Variants in FKBP1B observed in about 807,000 individuals in gnomAD.
FKBP1B encodes the protein peptidyl-prolyl cis-trans isomerase FKBP1B.
FKBP1B carries 4 observed loss-of-function variants against 13.5 expected under a neutral mutation model. The ratio of observed to expected loss-of-function variants is 0.30; its 90% CI spans 0.15 to 0.68. The LOEUF is 0.68. Among genes scored for constraint, FKBP1B ranks in the 30% least tolerant of loss-of-function variants. The probability of loss-of-function intolerance (pLI) is 0.76; values close to 1 mark genes in which losing one functional copy is unlikely to be tolerated. For missense variants in FKBP1B, 93 were observed against 136.2 expected (o/e 0.68, Z 1.58); for synonymous variants, 54 against 53.6 (o/e 1.01, Z -0.03).
intron 3 of FKBP1B, among the ~76,000 whole-genome samples, chr2:24,061,956 G>A (rs1055133905): frequency 6.6e-6 from 1 of 151,726 alleles, no homozygotes; most frequent in African/African-American, 2.4e-5. Context: ...TGCAAGCTCC[G>A]CGTCCTGGGT....
At chr2:24,047,686 C>A (rs2150957315), upstream of FKBP1B, among the ~76,000 whole-genome samples, 1 of 152,326 alleles carries the variant, frequency 6.6e-6, no homozygotes, top group African/African-American at 2.4e-5. Flanking sequence ...GTTCTCTTGT[C>A]TAAGGAGTCC....
intron 2 of FKBP1B, among the ~76,000 whole-genome samples, chr2:24,058,662 A>G (rs1664245214): frequency 6.6e-6 from 1 of 152,240 alleles, no homozygotes. Context: ...ACAAGTATGT[A>G]TCTGTGTGAA....
chr2:24,049,243 C>T (rs188186160), upstream of FKBP1B, among the ~76,000 whole-genome samples: 184 of 152,264 alleles, frequency 1.2e-3, no homozygotes, highest in African/African-American at 4.3e-3. Context: ...GCTCGCGCCT[C>T]TAGTCCCAGC....
chr2:24,044,817 T>TAAAAA (rs747340836), upstream of FKBP1B, among the ~76,000 whole-genome samples: 6 of 103,900 alleles, frequency 5.8e-5, no homozygotes, highest in East Asian at 5.3e-4. Flanking sequence ...GAATTATCTT[T>TAAAAA]AAAAAAAAAA....
the FKBP1B span, among the ~76,000 whole-genome samples, chr2:24,043,845 T>A: frequency 6.6e-6 from 1 of 152,076 alleles, no homozygotes; most frequent in Non-Finnish European, 1.5e-5. Context: ...TTATTTCGCA[T>A]ATCTCCTTGC....
At chr2:24,053,556 T>C (rs1402920929) in intron 1 of FKBP1B, among the ~76,000 whole-genome samples, 1 of 151,982 alleles carries the variant, frequency 6.6e-6, no homozygotes, top group Non-Finnish European at 1.5e-5. Context: ...TTGCTCTGCA[T>C]GTCTGAAGTC....
At position 24,057,161 on chromosome 2, in the gene FKBP1B, T is replaced by G. The variant is rs1053975551; in HGVS notation, c.85+3212T>G. Among the ~76,000 whole-genome samples the G allele has an allele frequency of 9.2e-5, 14 of 151,976 alleles. 1 individual carries two copies. Among genetic ancestry groups the G allele is most frequent in the Non-Finnish European group, 2.1e-4 (14 of 67,968 alleles). Reference sequence around the variant, plus strand: ...TTTTTTTATAGTTTATATTTTCTTCTTTTCTTTCTTTTTAAAATTTTTTTC... The same window carrying G: ...TTTTTTTATAGTTTATATTTTCTTCGTTTCTTTCTTTTTAAAATTTTTTTC... On this transcript the variant is annotated intron_variant, in intron 2 of 3. Coordinates refer to ENST00000380986, the MANE Select transcript of FKBP1B (RefSeq NM_004116.5).
chr2:24,037,035 C>T, the FKBP1B span, among the ~76,000 whole-genome samples: 4 of 152,216 alleles, frequency 2.6e-5, no homozygotes, highest in African/African-American at 9.6e-5. Flanking sequence ...ATAACCTTTT[C>T]CTTTTTCTTT....
chr2:24,035,018 AT>A, the FKBP1B span, among the ~76,000 whole-genome samples: 4 of 151,328 alleles, frequency 2.6e-5, no homozygotes, highest in African/African-American at 7.2e-5. Context: ...TTTATATTAG[AT>A]TTTTTTTGGA....
chr2:24,046,416 T>G (rs1048694199), upstream of FKBP1B, among the ~76,000 whole-genome samples: 1 of 152,130 alleles, frequency 6.6e-6, no homozygotes, highest in African/African-American at 2.4e-5. Flanking sequence ...GAGTATAAGT[T>G]TTTTGGAGAA....
intron 2 of FKBP1B, among the ~76,000 whole-genome samples, chr2:24,059,699 G>A (rs1573695618): frequency 6.6e-6 from 1 of 151,944 alleles, no homozygotes; most frequent in East Asian, 1.9e-4. Flanking sequence ...TTCGAGACCA[G>A]CCTGGCCAAC....
At chr2:24,037,597 CTCA>C in the FKBP1B span, 1 of 1,393,574 alleles carries the variant, frequency 7.2e-7, no homozygotes, top group Non-Finnish European at 9.7e-7. Context: ...CACCATCTTC[CTCA>C]TCAATACGTT....
At chr2:24,039,314 AG>A in the FKBP1B span, 1 of 1,614,234 alleles carries the variant, frequency 6.2e-7, no homozygotes, top group Non-Finnish European at 8.5e-7. Context: ...GACAACCCAC[AG>A]ACACATTCAA....
chr2:24,048,217 C>G (rs1342356811), upstream of FKBP1B, among the ~76,000 whole-genome samples: 1 of 152,004 alleles, frequency 6.6e-6, no homozygotes, highest in Non-Finnish European at 1.5e-5. Flanking sequence ...TGCCTGTAAT[C>G]CCAGCACTTT....
chr2:24,035,414 A>G, the FKBP1B span, among the ~76,000 whole-genome samples: 1 of 152,148 alleles, frequency 6.6e-6, no homozygotes. Flanking sequence ...AAAGGAGGAA[A>G]GGAGAACAGG....
At chr2:24,056,085 G>T (rs996133878) in intron 2 of FKBP1B, among the ~76,000 whole-genome samples, 3 of 152,078 alleles carry the variant, frequency 2.0e-5, no homozygotes, top group African/African-American at 7.2e-5. Context: ...TGCCTCCTGG[G>T]TTCAAGCGAT....
chr2:24,060,501 G>A (rs965406343), intron 2 of FKBP1B, among the ~76,000 whole-genome samples: 9 of 152,106 alleles, frequency 5.9e-5, no homozygotes, highest in Non-Finnish European at 1.0e-4. Context: ...GCAGTGAGCC[G>A]AGATTGTGCC....
chr2:24,060,021 G>A (rs947627234), intron 2 of FKBP1B, among the ~76,000 whole-genome samples: 12 of 152,014 alleles, frequency 7.9e-5, no homozygotes, highest in African/African-American at 1.9e-4. Flanking sequence ...GGCCAGAGCC[G>A]GATTGTGAAG....
chr2:24,055,664 A>G (rs1664092301), intron 2 of FKBP1B, among the ~76,000 whole-genome samples: 1 of 152,234 alleles, frequency 6.6e-6, no homozygotes, highest in African/African-American at 2.4e-5. Flanking sequence ...ATTCCTCTAC[A>G]GTATTTTAAC....
Sources: allele counts gnomAD v4.1 joint callset (sites outside exome capture counted in the v4.1 genomes callset), GRCh38; gene constraint gnomAD v4.1.1; transcripts MANE v1.5; gene names NCBI Gene and HGNC (gene_info 2026-07-23, HGNC 2026-07-21).